FCHO2: variants seen among roughly 807,000 people sequenced by gnomAD.
FCHO2 encodes the protein F-BAR domain only protein 2.
FCHO2 carries 43 observed loss-of-function variants against 114.1 expected under a neutral mutation model. The observed-to-expected ratio is 0.38, with a 90% CI of 0.30 to 0.49. FCHO2 has a LOEUF of 0.49. FCHO2 is among the 20% of genes least tolerant of loss of function. The pLI is 0.97. For synonymous variants in FCHO2, 293 were observed against 315.2 expected (o/e 0.93, Z 0.75); for missense variants, 807 against 950.4 (o/e 0.85, Z 1.98).
intron 18 of FCHO2, among the ~76,000 whole-genome samples, chr5:73,065,011 G>C (rs1714058011): frequency 6.6e-6 from 1 of 151,862 alleles, no homozygotes; most frequent in Non-Finnish European, 1.5e-5. Context: ...TCCTTCGTCA[G>C]TCTCATATCC....
chr5:73,021,053 C>T, intron 8 of FCHO2: 1 of 975,130 alleles, frequency 1.0e-6, no homozygotes, highest in Non-Finnish European at 1.7e-6. Flanking sequence ...TGGAAGTTTA[C>T]CTGGTCCTCT....
chr5:73,067,742 T>C (rs1266433992), intron 18 of FCHO2, among the ~76,000 whole-genome samples: 1 of 151,928 alleles, frequency 6.6e-6, no homozygotes, highest in Admixed American at 6.6e-5. Flanking sequence ...TATATTTGCC[T>C]AATACTTTTA....
chr5:72,985,075 A>G (rs1211505576), intron 2 of FCHO2, among the ~76,000 whole-genome samples: 1 of 152,190 alleles, frequency 6.6e-6, no homozygotes, highest in East Asian at 1.9e-4. Context: ...TGCTAATTGC[A>G]TATGCATAGT....
At chr5:72,957,910 C>T (rs944148027) in intron 1 of FCHO2, among the ~76,000 whole-genome samples, 11 of 152,112 alleles carry the variant, frequency 7.2e-5, no homozygotes, top group Admixed American at 4.6e-4. Context: ...GTTCGATTTG[C>T]GTTTCTTTGA....
chr5:73,025,465 G>T (rs1157163372), intron 8 of FCHO2, among the ~76,000 whole-genome samples: 1 of 148,872 alleles, frequency 6.7e-6, no homozygotes, highest in East Asian at 2.0e-4. Flanking sequence ...TGCAACCTCC[G>T]CCTGCCGGGT....
intron 11 of FCHO2, among the ~76,000 whole-genome samples, chr5:73,049,156 G>C (rs1027992328): frequency 2.6e-5 from 4 of 152,004 alleles, no homozygotes; most frequent in Non-Finnish European, 4.4e-5. Flanking sequence ...GATTACAGGC[G>C]TGAGCCACCG....
chr5:73,088,978 ATTTGCAATTT>A lies in FCHO2; in HGVS notation c.*891_*900del, dbSNP rs1197493652. On this transcript the variant is annotated 3_prime_UTR_variant, in exon 26 of 26. Transcript: ENST00000430046. ...CAGTGATCAAGCATTTTTATAAGAT[ATTTGCAATTT>A]TTGTAAATATTTTTGGCCTGCAACT... 1 of 152,526 alleles carries A rather than the reference ATTTGCAATTT, an allele frequency of 6.6e-6. No individual in the cohort carries two copies. The highest frequency in any genetic ancestry group is 1.5e-5 in the Non-Finnish European group (1 of 67,994). 9.4% of individuals were successfully genotyped at this position (152,526 alleles called of 1,614,324 possible). A position where few individuals can be genotyped will look rare whatever the true frequency, so the allele number is the denominator to read the frequency against.
chr5:73,000,513 C>T (rs915236583), intron 5 of FCHO2, among the ~76,000 whole-genome samples: 5 of 147,822 alleles, frequency 3.4e-5, no homozygotes, highest in Admixed American at 2.0e-4. Flanking sequence ...CAGTGGCTCA[C>T]GCCTGTAATC....
rs572544413 is a variant in FCHO2 at position 73,040,676 on chromosome 5, A to C, written c.915-615A>C. Among the ~76,000 whole-genome samples the C allele has an allele frequency of 1.6e-4, 25 of 152,352 alleles. No homozygotes were observed. The South Asian group carries it at 3.9e-3, about 24-fold the overall frequency. The stretch of plus-strand genomic sequence containing the variant: ...TGATAGAATTTCAGTTCTCAACTAC[A>C]TATTACATTACATAAGAAAGTTATC... On this transcript the variant is annotated intron_variant, in intron 10 of 25. Transcript: ENST00000430046.
chr5:73,055,778 G>A (rs898244422), intron 15 of FCHO2, among the ~76,000 whole-genome samples: 9 of 152,050 alleles, frequency 5.9e-5, no homozygotes, highest in Admixed American at 5.9e-4. Context: ...TTTTAAAGTT[G>A]CAACCCATAG....
chr5:72,963,550 AT>A (rs1015050398), intron 1 of FCHO2, among the ~76,000 whole-genome samples: 11 of 147,608 alleles, frequency 7.5e-5, no homozygotes, highest in Non-Finnish European at 1.1e-4. Flanking sequence ...TAGGCTGTAA[AT>A]TTTTTTTTTT....
intron 2 of FCHO2, among the ~76,000 whole-genome samples, chr5:72,981,240 A>C (rs993204282): frequency 2.0e-5 from 3 of 152,156 alleles, no homozygotes; most frequent in Admixed American, 2.0e-4. Context: ...TGGGTTGAAA[A>C]GTCTTCTCTT....
At chr5:73,049,077 C>T (rs1239951955) in intron 11 of FCHO2, among the ~76,000 whole-genome samples, 2 of 151,552 alleles carry the variant, frequency 1.3e-5, no homozygotes, top group East Asian at 1.9e-4. Context: ...GGGGTTTCAC[C>T]GTGTTAGCCA....
At chr5:73,087,982 G>GA in intron 25 of FCHO2, 86 bp from the exon 26 acceptor site, 1 of 1,558,822 alleles carries the variant, frequency 6.4e-7, no homozygotes, top group Non-Finnish European at 8.8e-7. Context: ...ATGGGAACTA[G>GA]AGTTTTGTAT....
intron 24 of FCHO2, among the ~76,000 whole-genome samples, 151 bp downstream of exon 24, chr5:73,082,976 C>T (rs1440306147): frequency 2.0e-5 from 3 of 151,634 alleles, no homozygotes; most frequent in Non-Finnish European, 2.9e-5. Context: ...TGGGTTCAAG[C>T]GATTCTCCTG....
At chr5:73,048,940 G>A (rs987750138) in intron 11 of FCHO2, among the ~76,000 whole-genome samples, 1 of 143,852 alleles carries the variant, frequency 7.0e-6, no homozygotes, top group Non-Finnish European at 1.5e-5. Flanking sequence ...GCAGTGGCGC[G>A]ATCTCGGCTC....
intron 8 of FCHO2, among the ~76,000 whole-genome samples, chr5:73,033,447 T>C (rs550109526): frequency 5.3e-5 from 8 of 152,194 alleles, no homozygotes; most frequent in African/African-American, 1.9e-4. Context: ...TGTAGAGAAA[T>C]CTTTCTTGTT....
chr5:73,042,032 T>G (rs1264405048), intron 11 of FCHO2, among the ~76,000 whole-genome samples: 1 of 152,164 alleles, frequency 6.6e-6, no homozygotes, highest in Non-Finnish European at 1.5e-5. Context: ...CCCAAAACAT[T>G]TTGATCTTTT....
intron 5 of FCHO2, among the ~76,000 whole-genome samples, chr5:72,996,198 G>C (rs567199720): frequency 7.1e-6 from 1 of 141,190 alleles, no homozygotes. Context: ...AGCCAAGATC[G>C]CACCACTGCA....
Sources: gnomAD v4.1 joint callset for allele counts (sites outside exome capture counted in the v4.1 genomes callset) on GRCh38, gnomAD v4.1.1 for gene constraint, MANE v1.5 for transcripts, NCBI Gene and HGNC (gene_info 2026-07-23, HGNC 2026-07-21) for gene names.